APOBEC3H: variants seen among roughly 807,000 people sequenced by gnomAD.
APOBEC3H encodes DNA dC->dU-editing enzyme APOBEC-3H.
A neutral mutation model predicts 21.2 loss-of-function variants in APOBEC3H; 8 were observed. The ratio of observed to expected loss-of-function variants is 0.38; its 90% CI spans 0.22 to 0.68. The LOEUF is 0.68. APOBEC3H is among the 30% of genes least tolerant of loss of function. The pLI is 0.52. For synonymous variants in APOBEC3H, 88 were observed against 91.0 expected, an observed-to-expected ratio of 0.97 and a Z score of 0.19; for missense variants, 229 against 228.1, an observed-to-expected ratio of 1.00 and a Z score of -0.03.
chr22:39,103,538 T>C (rs1376921000), intron 4 of APOBEC3H, 151 bp from the exon 5 acceptor site: 1 of 775,838 alleles, frequency 1.3e-6, no homozygotes, highest in Non-Finnish European at 2.3e-6. Flanking sequence ...TAAGATGCTC[T>C]TGTCACCTCC....
At chr22:39,098,318 G>A (rs962602726) in intron 1 of APOBEC3H, among the ~76,000 whole-genome samples, 4 of 152,048 alleles carry the variant, frequency 2.6e-5, no homozygotes, top group African/African-American at 9.7e-5. Context: ...CTCACTACAA[G>A]CTCCACCTCC....
chr22:39,101,866 G>A, intron 3 of APOBEC3H, 52 bp from the exon 4 acceptor site: 1 of 1,613,326 alleles, frequency 6.2e-7, no homozygotes. Context: ...AGAGCTCCTG[G>A]CACTGCAGCT....
chr22:39,100,839 C>T (rs1396529332), intron 2 of APOBEC3H, among the ~76,000 whole-genome samples: 2 of 152,158 alleles, frequency 1.3e-5, no homozygotes, highest in Non-Finnish European at 2.9e-5. Context: ...TCCCCGCCCC[C>T]CGCCCCGGCT....
intron 4 of APOBEC3H, 25 bp downstream of exon 4, chr22:39,102,067 C>T (rs1929399218): frequency 5.0e-6 from 8 of 1,609,272 alleles, no homozygotes; most frequent in Non-Finnish European, 6.8e-6. Context: ...TGCCTGCTGC[C>T]CCCGACCTCC....
Position 39,103,848 on chromosome 22 carries a change from G to A in APOBEC3H, c.*151G>A. ...CTGTAAGCAAGCACTAAGCTCCACA[G>A]TGCCAGTTCCTTGCCCCAACCTGGC... On this transcript the variant is annotated 3_prime_UTR_variant, in exon 5 of 5. Coordinates refer to ENST00000442487, the MANE Select transcript of APOBEC3H (RefSeq NM_181773.5). The A allele has an allele frequency of 1.0e-6, 1 of 991,360 alleles. No individual in the cohort carries two copies. Among genetic ancestry groups the A allele is most frequent in the Non-Finnish European group, 1.6e-6 (1 of 620,700 alleles). The allele number at this position is 991,360 out of a possible 1,614,324, so 61.4% of individuals were successfully genotyped here.
chr22:39,102,150 C>A (rs1601539620), intron 4 of APOBEC3H, 108 bp downstream of exon 4: 1 of 1,427,274 alleles, frequency 7.0e-7, no homozygotes, highest in Non-Finnish European at 9.2e-7. Flanking sequence ...TTTTTCTTTT[C>A]TTTTCTTTTC....
intron 1 of APOBEC3H, among the ~76,000 whole-genome samples, chr22:39,097,736 C>G (rs1929085274): frequency 6.6e-6 from 1 of 152,144 alleles, no homozygotes; most frequent in African/African-American, 2.4e-5. Context: ...CTTTGATGAA[C>G]TTTGTGTAAG....
At chr22:39,103,406 G>T (rs1052828428) in intron 4 of APOBEC3H, among the ~76,000 whole-genome samples, 2 of 152,202 alleles carry the variant, frequency 1.3e-5, no homozygotes, top group African/African-American at 4.8e-5. Flanking sequence ...TCTATGCAAA[G>T]AATTTATGAT....
chr22:39,100,162 G>C (rs1165289943), intron 1 of APOBEC3H, 110 bp from the exon 2 acceptor site: 24 of 1,206,916 alleles, frequency 2.0e-5, no homozygotes, highest in Non-Finnish European at 2.7e-5. Context: ...GACAGAGCGA[G>C]ACTCTGTCTC....
intron 2 of APOBEC3H, among the ~76,000 whole-genome samples, chr22:39,100,952 T>A (rs1173884716): frequency 6.6e-6 from 1 of 151,990 alleles, no homozygotes; most frequent in Non-Finnish European, 1.5e-5. Context: ...GGAGGTGTTG[T>A]CTCCTCCTCT....
At chr22:39,101,621 G>A in intron 3 of APOBEC3H, 117 bp downstream of exon 3, 1 of 305,022 alleles carries the variant, frequency 3.3e-6, no homozygotes, top group Non-Finnish European at 6.0e-6. Context: ...GGGGCGGGTT[G>A]GAGGAGGTTG....
At chr22:39,100,562 G>C (rs940025318) in intron 2 of APOBEC3H, 134 bp downstream of exon 2, 2 of 1,257,312 alleles carry the variant, frequency 1.6e-6, no homozygotes, top group Admixed American at 5.4e-5. Context: ...CGTAACCCTT[G>C]GTGCCTGCCT....
chr22:39,102,720 G>A (rs898079158), intron 4 of APOBEC3H: 91 of 610,448 alleles, frequency 1.5e-4, no homozygotes, highest in African/African-American at 1.0e-3. Flanking sequence ...AAATTAACTC[G>A]GCCAGGCACA....
intron 4 of APOBEC3H, chr22:39,102,636 CCT>C (rs1478710843): frequency 2.4e-5 from 17 of 708,208 alleles, no homozygotes; most frequent in Non-Finnish European, 4.2e-5. Context: ...CCCCTCCCAC[CCT>C]CTCTTCTTTT....
At chr22:39,102,516 CA>C (rs1569095363) in intron 4 of APOBEC3H, 1 of 718,314 alleles carries the variant, frequency 1.4e-6, no homozygotes, top group Non-Finnish European at 2.6e-6. Context: ...TTTTAGATTC[CA>C]GGGGTACGTG....
chr22:39,101,709 G>A (rs1929362221), intron 3 of APOBEC3H, among the ~76,000 whole-genome samples: 1 of 107,310 alleles, frequency 9.3e-6, no homozygotes, highest in Non-Finnish European at 1.9e-5. Flanking sequence ...GGGTGGGGGG[G>A]TGGCGGGGAG....
At chr22:39,100,520 C>G (rs2092073156) in intron 2 of APOBEC3H, 92 bp downstream of exon 2, 1 of 1,506,482 alleles carries the variant, frequency 6.6e-7, no homozygotes, top group Non-Finnish European at 8.9e-7. Context: ...CTATAAATTT[C>G]TCAATTTTTG....
chr22:39,099,775 T>C (rs139285), intron 1 of APOBEC3H, among the ~76,000 whole-genome samples: 85,998 of 151,864 alleles, frequency 0.57, 26,816 homozygotes, highest in African/African-American at 0.85. Flanking sequence ...CCTCCTCCTG[T>C]CCTCCTGCCA....
rs1771549771 is a variant in APOBEC3H, at chr22:39,100,294, G to A, written c.16G>A (p.Ala6Thr). Residue 6 changes from alanine to threonine, a missense_variant, in exon 2 of 5, where the codon GCC becomes ACC. Physicochemically the swap from Ala to Thr is moderately conservative, Grantham distance 58. Transcript: ENST00000442487. MALLT[A>T]ETFRLQFNNK... ...CAGAAACACGATGGCTCTGTTAACAGCCGAAACATTCCGCTTACAGTTTAA... is the reference window on the plus strand; with the variant it reads ...CAGAAACACGATGGCTCTGTTAACAACCGAAACATTCCGCTTACAGTTTAA... 2 of 1,612,842 alleles carry A rather than the reference G, an allele frequency of 1.2e-6. No individual in the cohort carries two copies. Among genetic ancestry groups the A allele is most frequent in the Non-Finnish European group, 1.7e-6 (2 of 1,179,472 alleles).
Sources: allele counts gnomAD v4.1 joint callset (sites outside exome capture counted in the v4.1 genomes callset), GRCh38; gene constraint gnomAD v4.1.1; transcripts MANE v1.5; gene names NCBI Gene and HGNC (gene_info 2026-07-23, HGNC 2026-07-21).